Variants in COL4A1 observed in about 807,000 individuals in gnomAD.
COL4A1 encodes collagen alpha-1(IV) chain.
In COL4A1, 40 loss-of-function variants were observed where a neutral mutation model predicts 216.6. That is an observed-to-expected ratio of 0.18 (90% CI 0.14 to 0.24). The LOEUF is 0.24. Among genes scored for constraint, COL4A1 ranks in the 10% least tolerant of loss-of-function variants. The pLI is 1.00. For synonymous variants in COL4A1, 839 were observed against 810.7 expected, an observed-to-expected ratio of 1.03 and a Z score of -0.59; for missense variants, 1,628 against 2,196.8, an observed-to-expected ratio of 0.74 and a Z score of 5.18.
chr13:110,254,493 C>G (rs1346850240), intron 1 of COL4A1, among the ~76,000 whole-genome samples: 1 of 152,136 alleles, frequency 6.6e-6, no homozygotes, highest in Non-Finnish European at 1.5e-5. Context: ...CCAGCTGACC[C>G]TTTAAGGAGC....
intron 1 of COL4A1, among the ~76,000 whole-genome samples, chr13:110,270,467 T>C (rs1320511070): frequency 6.6e-6 from 1 of 152,240 alleles, no homozygotes; most frequent in Non-Finnish European, 1.5e-5. Context: ...GGAAGAGCTA[T>C]CAGTTTCTAG....
rs571748377 is a variant in COL4A1 at position 110,207,252 on chromosome 13, G to A, written c.780+151C>T. ...GCTGTCTCTGCTCTCAAAGGGGCTC[G>A]TATTTTATGGACTGAACAGTCTATA... is the stretch of plus-strand genomic sequence containing the variant. On this transcript the variant is annotated intron_variant, in intron 13 of 51. Coordinates refer to ENST00000375820, the MANE Select transcript of COL4A1 (RefSeq NM_001845.6). The surrounding 1 kb of genome is among the most constrained non-coding windows in gnomAD (Gnocchi z 4.4). The A allele has an allele frequency of 6.6e-5, 49 of 743,530 alleles. 1 individual carries two copies. Among genetic ancestry groups the A allele is most frequent in the Admixed American group, 3.8e-4 (18 of 46,942 alleles). 46.1% of individuals were successfully genotyped at this position (743,530 alleles called of 1,614,324 possible). A position where few individuals can be genotyped will look rare whatever the true frequency, so the allele number is the denominator to read the frequency against.
chr13:110,190,924 A>G (rs1878600035), intron 24 of COL4A1: 1 of 151,990 alleles, frequency 6.6e-6, no homozygotes. Context: ...GTCTTTTATT[A>G]GATATGTCTA....
intron 24 of COL4A1, among the ~76,000 whole-genome samples, chr13:110,191,973 G>A (rs1297609780): frequency 6.6e-6 from 1 of 152,284 alleles, no homozygotes; most frequent in South Asian, 2.1e-4. Context: ...GGCAGCAGCC[G>A]AAAAAATGTT....
At chr13:110,170,433 G>A in intron 42 of COL4A1, 114 bp downstream of exon 42, 1 of 1,147,220 alleles carries the variant, frequency 8.7e-7, no homozygotes, top group Middle Eastern at 2.8e-4. Flanking sequence ...AATAAATGCT[G>A]CAGACTTCTA....
At position 110,154,643 on chromosome 13, in the gene COL4A1, T is replaced by A. The variant is rs1021726007; in HGVS notation, c.4755+640A>T. Reference sequence around the variant, plus strand: ...GCTGCTCATATAGAGAAACCGGTCATATACAGAAGCTGCTCATAGAGAGAA... The same window carrying A: ...GCTGCTCATATAGAGAAACCGGTCAAATACAGAAGCTGCTCATAGAGAGAA... On this transcript the variant is annotated intron_variant, in intron 50 of 51. Coordinates refer to ENST00000375820, the MANE Select transcript of COL4A1 (RefSeq NM_001845.6). 2.0e-5 allele frequency among the ~76,000 whole-genome samples: 3 copies of A among 152,194 alleles called. No homozygotes were observed. In the South Asian group the frequency reaches 6.2e-4, roughly 32 times the overall value.
At chr13:110,216,252 G>A (rs1222901659) in intron 2 of COL4A1, among the ~76,000 whole-genome samples, 6 of 152,164 alleles carry the variant, frequency 3.9e-5, no homozygotes, top group Non-Finnish European at 8.8e-5. Context: ...TTGTTCAAAT[G>A]AAGAGCTCCT....
Position 110,211,952 on chromosome 13 carries a change from G to A in COL4A1, c.388-30C>T, listed in dbSNP as rs377130144. On this transcript the variant is annotated intron_variant, in intron 6 of 51. Transcript: ENST00000375820. The surrounding 1 kb of genome is among the most constrained non-coding windows in gnomAD (Gnocchi z 4.3). Reference sequence around the variant, plus strand: ...GGAGACAGCAGAGCATCATTCATACGCACTGTGTGTGGCAGACACATCAGC... The same window carrying A: ...GGAGACAGCAGAGCATCATTCATACACACTGTGTGTGGCAGACACATCAGC... 8 of 1,607,620 alleles carry A rather than the reference G, an allele frequency of 5.0e-6. No homozygotes were observed. The East Asian group carries it at 6.7e-5, about 13-fold the overall frequency.
At position 110,149,721 on chromosome 13, in the gene COL4A1, T is replaced by A. The variant is rs1876413056; in HGVS notation, c.*642A>T. The A allele has an allele frequency of 6.6e-6, 1 of 152,304 alleles. No homozygotes were observed. The highest frequency in any genetic ancestry group is 6.6e-5 in the Admixed American group (1 of 15,258). The allele number at this position is 152,304 out of a possible 1,614,324, so 9.4% of individuals were successfully genotyped here. On this transcript the variant is annotated 3_prime_UTR_variant, in exon 52 of 52. Transcript: ENST00000375820. The stretch of plus-strand genomic sequence containing the variant: ...GACATCTATATAAATTACTAATATA[T>A]ATATATATTTAATTTTTGACTATTT...
intron 43 of COL4A1, among the ~76,000 whole-genome samples, chr13:110,168,362 C>T (rs558273005): frequency 5.2e-4 from 79 of 152,236 alleles, no homozygotes; most frequent in Non-Finnish European, 9.1e-4. Context: ...AATGAGAATA[C>T]ATAAATATTT....
chr13:110,155,530 A>C, intron 49 of COL4A1, 133 bp from the exon 50 acceptor site: 1 of 719,038 alleles, frequency 1.4e-6, no homozygotes, highest in South Asian at 1.5e-5. Flanking sequence ...AGTAGAAAAC[A>C]TTGTGCCCAT....
In COL4A1 at chr13:110,164,938, C is replaced by T. The variant is rs780708794; in HGVS notation, c.4074G>A (p.Glu1358=). Residue 1358 remains glutamate (E), a synonymous_variant, in exon 46 of 52, where the codon GAG becomes GAA. Transcript: ENST00000375820. The stretch of plus-strand genomic sequence containing the variant: ...GGCCCTCAGGACCAGGGAGCCCGGG[C>T]TCCCCTTTGATGATGTCGTAAGGAC... ...PPGPYDIIKG[E]PGLPGPEGPP... is the part of the protein sequence containing the mutation. The T allele has an allele frequency of 1.7e-5, 28 of 1,604,988 alleles. No individual in the cohort carries two copies. Among genetic ancestry groups the T allele is most frequent in the Non-Finnish European group, 2.4e-5 (28 of 1,176,064 alleles).
intron 2 of COL4A1, among the ~76,000 whole-genome samples, chr13:110,229,623 A>G (rs941243388): frequency 1.3e-5 from 2 of 152,204 alleles, no homozygotes; most frequent in African/African-American, 4.8e-5. Flanking sequence ...GGAAGTGATG[A>G]GGCTCATGAA....
intron 1 of COL4A1, among the ~76,000 whole-genome samples, chr13:110,281,933 G>C (rs1279750309): frequency 1.3e-5 from 2 of 152,198 alleles, no homozygotes; most frequent in Non-Finnish European, 2.9e-5. Flanking sequence ...TCCCTGCTCA[G>C]ATCTCCATCA....
At chr13:110,274,568 G>C (rs1370739850) in intron 1 of COL4A1, among the ~76,000 whole-genome samples, 3 of 152,158 alleles carry the variant, frequency 2.0e-5, no homozygotes, top group Non-Finnish European at 4.4e-5. Context: ...CTGCTGAGTT[G>C]AAATGATATA....
At chr13:110,219,188 G>A (rs1399715339) in intron 2 of COL4A1, among the ~76,000 whole-genome samples, 1 of 152,164 alleles carries the variant, frequency 6.6e-6, no homozygotes, top group Non-Finnish European at 1.5e-5. Flanking sequence ...AGTTTGAGGG[G>A]GGACAGATGC....
chr13:110,228,742 C>A (rs1880867273), intron 2 of COL4A1, among the ~76,000 whole-genome samples: 1 of 152,304 alleles, frequency 6.6e-6, no homozygotes, highest in East Asian at 1.9e-4. Flanking sequence ...TCAATTGTCT[C>A]TAGAGGAGGA....
chr13:110,261,503 G>T (rs1195162797), intron 1 of COL4A1, among the ~76,000 whole-genome samples: 1 of 152,164 alleles, frequency 6.6e-6, no homozygotes, highest in East Asian at 1.9e-4. Flanking sequence ...GCAGCCCAAG[G>T]GCTCCCTAGC....
At chr13:110,153,450 C>T (rs1442088354) in intron 50 of COL4A1, among the ~76,000 whole-genome samples, 1 of 152,208 alleles carries the variant, frequency 6.6e-6, no homozygotes, top group East Asian at 1.9e-4. Flanking sequence ...GACACCCGGA[C>T]AAGGGTTGGT....
Sources: gnomAD v4.1 joint callset for allele counts (sites outside exome capture counted in the v4.1 genomes callset) on GRCh38, gnomAD v4.1.1 for gene constraint, Gnocchi (gnomAD v3.1) non-coding constraint, MANE v1.5 for transcripts, NCBI Gene and HGNC (gene_info 2026-07-23, HGNC 2026-07-21) for gene names.